AGPAT3: variants seen among roughly 807,000 people sequenced by gnomAD.
The protein encoded by AGPAT3 is 1-acylglycerol-3-phosphate O-acyltransferase 3.
Under a neutral mutation model 47.3 loss-of-function variants are expected in AGPAT3, and 5 were observed. That is an observed-to-expected ratio of 0.11 (90% CI 0.06 to 0.22). The LOEUF is 0.22. Ranked by LOEUF, AGPAT3 falls within the 10% of genes least tolerant of loss-of-function variation. AGPAT3 has a pLI of 1.00. For missense variants in AGPAT3, 315 were observed against 493.0 expected (o/e 0.64, Z 3.42); for synonymous variants, 212 against 208.3 (o/e 1.02, Z -0.15).
intron 2 of AGPAT3, among the ~76,000 whole-genome samples, chr21:43,921,910 A>G (rs570369237): frequency 6.6e-5 from 10 of 151,990 alleles, no homozygotes; most frequent in African/African-American, 2.4e-4. Flanking sequence ...TCCCCCACCA[A>G]GGTGTGGGGT....
intron 7 of AGPAT3, among the ~76,000 whole-genome samples, chr21:43,971,810 C>T (rs994011661): frequency 1.3e-5 from 2 of 152,252 alleles, no homozygotes; most frequent in Non-Finnish European, 2.9e-5. Flanking sequence ...CCACCTCCAT[C>T]CTCTCCTTCT....
chr21:43,904,939 C>T (rs1400999368), intron 2 of AGPAT3, among the ~76,000 whole-genome samples: 1 of 152,142 alleles, frequency 6.6e-6, no homozygotes, highest in African/African-American at 2.4e-5. Flanking sequence ...ATTTAGCCTT[C>T]TGTGTCCCAG....
intron 2 of AGPAT3, among the ~76,000 whole-genome samples, chr21:43,943,823 G>A (rs190752403): frequency 6.6e-5 from 10 of 152,326 alleles, no homozygotes; most frequent in South Asian, 2.1e-4. Context: ...AGGCCGGAGC[G>A]TTTTCAGCAA....
intron 2 of AGPAT3, among the ~76,000 whole-genome samples, chr21:43,957,687 G>GGGGGGTCTCGGGTTTCCCCCTCCACAC (rs2088553001): frequency 7.5e-6 from 1 of 133,996 alleles, no homozygotes; most frequent in South Asian, 2.4e-4. Flanking sequence ...CCCCTCCACA[G>GGGGGGTCTCGGGTTTCCCCCTCCACAC]GGGGGTCTCG....
rs556018811 is a variant in AGPAT3 at position 43,930,160 on chromosome 21, G to A, written c.-49+26141G>A. ...ATAGAGTTATCAACCGTCACTCCAC[G>A]GAGAGTCTAAGGCAGAGAGAAGTTG... On this transcript the variant is annotated intron_variant, in intron 2 of 9. Coordinates refer to ENST00000291572, the MANE Select transcript of AGPAT3 (RefSeq NM_020132.5). This position sits in a 1 kb window ranked among gnomAD's most constrained non-coding sequence, Gnocchi z 5.0. Among the ~76,000 whole-genome samples, 17 of 152,334 alleles carry A rather than the reference G, an allele frequency of 1.1e-4. No homozygotes were observed. The South Asian group carries it at 3.1e-3, about 28-fold the overall frequency.
rs181195587 is a variant in AGPAT3 at position 43,980,034 on chromosome 21, G to C, written c.844-955G>C. 2.0e-4 allele frequency among the ~76,000 whole-genome samples: 31 copies of C among 152,272 alleles called. 2 individuals carry two copies. The highest frequency in any genetic ancestry group is 1.8e-3 in the Admixed American group (28 of 15,286). On this transcript the variant is annotated intron_variant, in intron 8 of 9. Transcript: ENST00000291572. ...GTGGTGGCTCACATCTGTAATCCCA[G>C]CACTTTGGGAGGCCGAAGTGGGTGG... is the stretch of plus-strand genomic sequence containing the variant.
chr21:43,945,119 A>G (rs56404825), intron 2 of AGPAT3, among the ~76,000 whole-genome samples: 2,024 of 152,356 alleles, frequency 0.013, 22 homozygotes, highest in Non-Finnish European at 0.017. Context: ...GTGAGGCAGC[A>G]TGGGTGGCCC....
At chr21:43,972,441 G>A (rs943198672) in intron 7 of AGPAT3, among the ~76,000 whole-genome samples, 1 of 152,148 alleles carries the variant, frequency 6.6e-6, no homozygotes, top group Non-Finnish European at 1.5e-5. Context: ...CCACCACGTT[G>A]GGCCGAAGAG....
chr21:43,897,922 C>T (rs773807010), intron 1 of AGPAT3, among the ~76,000 whole-genome samples: 6 of 152,216 alleles, frequency 3.9e-5, no homozygotes, highest in African/African-American at 7.2e-5. Flanking sequence ...GCAGATCACT[C>T]GAGGTCAGGA....
rs1569116000 is a variant in AGPAT3, at chr21:43,984,962, C to A, written c.*2570C>A. 5.3e-6 allele frequency: 2 copies of A among 378,214 alleles called. No individual in the cohort carries two copies. The highest frequency in any genetic ancestry group is 5.3e-6 in the Non-Finnish European group (1 of 189,692). The allele number at this position is 378,214 out of a possible 1,614,324, so 23.4% of individuals were successfully genotyped here. ...CCTGGCATCGCTGATGCCCTCTGCACCCAGTCCTTGAGCCAGGCCGAGGAC... is the reference window on the plus strand; with the variant it reads ...CCTGGCATCGCTGATGCCCTCTGCAACCAGTCCTTGAGCCAGGCCGAGGAC... On this transcript the variant is annotated 3_prime_UTR_variant, in exon 10 of 10. Transcript: ENST00000291572.
At chr21:43,914,082 GT>G (rs1467626634) in intron 2 of AGPAT3, among the ~76,000 whole-genome samples, 2 of 152,156 alleles carry the variant, frequency 1.3e-5, no homozygotes, top group African/African-American at 4.8e-5. Context: ...CACGGCTGAC[GT>G]CTCTCTGCCT....
chr21:43,921,691 G>T (rs1569065399), intron 2 of AGPAT3, among the ~76,000 whole-genome samples: 1 of 152,228 alleles, frequency 6.6e-6, no homozygotes, highest in Admixed American at 6.5e-5. Context: ...GTTTTGTGGT[G>T]CCTTTGAAGT....
In AGPAT3 at chr21:43,969,890, G is replaced by T. The variant is rs548631962; in HGVS notation, c.510+611G>T. On this transcript the variant is annotated intron_variant, in intron 5 of 9. Coordinates refer to ENST00000291572, the MANE Select transcript of AGPAT3 (RefSeq NM_020132.5). ...TTTTTTGTATTTTTAGTAGAGATGG[G>T]GTTTCACCATGTTGGCCAGGCTGGT... 1.1e-4 allele frequency among the ~76,000 whole-genome samples: 17 copies of T among 152,190 alleles called. No individual in the cohort carries two copies. In the East Asian group the frequency reaches 3.3e-3, roughly 29 times the overall value.
intron 1 of AGPAT3, among the ~76,000 whole-genome samples, chr21:43,879,328 A>G (rs936077869): frequency 6.8e-6 from 1 of 147,368 alleles, no homozygotes; most frequent in African/African-American, 2.5e-5. Context: ...CCAGCCTACA[A>G]CAGAGTGAGA....
At chr21:43,943,997 G>A (rs969338127) in intron 2 of AGPAT3, among the ~76,000 whole-genome samples, 9 of 152,322 alleles carry the variant, frequency 5.9e-5, no homozygotes, top group South Asian at 4.1e-4. Context: ...AGGCTGCCTC[G>A]GGAAGCAAGG....
rs1037773416 is a variant in AGPAT3 at position 43,977,895 on chromosome 21, A to AG, written c.768-151_768-150insG. The AG allele has an allele frequency of 1.8e-4, 112 of 617,490 alleles. No homozygotes were observed. The African/African-American group carries it at 1.8e-3, about 10-fold the overall frequency. 38.3% of individuals were successfully genotyped at this position (617,490 alleles called of 1,614,324 possible). A position where few individuals can be genotyped will look rare whatever the true frequency, so the allele number is the denominator to read the frequency against. On this transcript the variant is annotated intron_variant, in intron 7 of 9. Coordinates refer to ENST00000291572, the MANE Select transcript of AGPAT3 (RefSeq NM_020132.5). ...AGCGAGACTCCATCTCAAAAAAAAA[A>AG]AAAAGAAAAGAAAAGAAATTGAGAG...
intron 2 of AGPAT3, among the ~76,000 whole-genome samples, chr21:43,936,293 G>A (rs903921467): frequency 2.6e-5 from 4 of 152,244 alleles, no homozygotes; most frequent in African/African-American, 9.6e-5. Flanking sequence ...AACCCCAGCC[G>A]GGTTCCTCAG....
Position 43,986,755 on chromosome 21 carries a change from G to A in AGPAT3, c.*4363G>A, listed in dbSNP as rs1327393951. Reference sequence around the variant, plus strand: ...GCCACTGGCTTCTTTTTCTATGATTGAAAATCTGCCATCGCTGACTGTTGG... The same window carrying A: ...GCCACTGGCTTCTTTTTCTATGATTAAAAATCTGCCATCGCTGACTGTTGG... On this transcript the variant is annotated 3_prime_UTR_variant, in exon 10 of 10. Coordinates refer to ENST00000291572, the MANE Select transcript of AGPAT3 (RefSeq NM_020132.5). Among the ~76,000 whole-genome samples the A allele has an allele frequency of 6.6e-6, 1 of 152,220 alleles. No individual in the cohort carries two copies. The highest frequency in any genetic ancestry group is 1.5e-5 in the Non-Finnish European group (1 of 68,044).
rs193082349 is a variant in AGPAT3, at chr21:43,949,157, T to C, written c.-48-10477T>C. ...AGTTCTGGGGCTGGGGGGGAGCTTT[T>C]GCTATTTTAATTAGGATTCAGTTAT... On this transcript the variant is annotated intron_variant, in intron 2 of 9. Transcript: ENST00000291572. Among the ~76,000 whole-genome samples the C allele has an allele frequency of 2.6e-5, 4 of 152,374 alleles. No individual in the cohort carries two copies. The East Asian group carries it at 7.7e-4, about 29-fold the overall frequency.
Sources: allele counts gnomAD v4.1 joint callset (sites outside exome capture counted in the v4.1 genomes callset), GRCh38; gene constraint gnomAD v4.1.1; non-coding constraint Gnocchi (gnomAD v3.1); transcripts MANE v1.5; gene names NCBI Gene and HGNC (gene_info 2026-07-23, HGNC 2026-07-21).